Variants in NSL1 observed in about 807,000 individuals in gnomAD.
The protein encoded by NSL1 is NSL1 component of MIS12 kinetochore complex.
A neutral mutation model predicts 25.4 loss-of-function variants in NSL1; 11 were observed. The observed-to-expected ratio is 0.43, with a 90% CI of 0.27 to 0.72. The LOEUF (loss-of-function observed/expected upper bound fraction) is 0.72, where lower values mean the gene tolerates loss of function less well. Among genes scored for constraint, NSL1 ranks in the 30% least tolerant of loss-of-function variants. The pLI is 0.19. For missense variants in NSL1, 330 were observed against 342.7 expected (o/e 0.96, Z 0.29); for synonymous variants, 118 against 120.6 (o/e 0.98, Z 0.14).
rs1407474874 is a variant in NSL1, at chr1:212,733,427, G to A, written c.*4981C>T. ...AGCTTGGGCAACACAGCAAGACCTT[G>A]TTTCACAAAAAAAAAAAAAAAAAAA... On this transcript the variant is annotated 3_prime_UTR_variant, in exon 6 of 6. Transcript: ENST00000366977. Among the ~76,000 whole-genome samples, 1 of 60,208 alleles carries A rather than the reference G, an allele frequency of 1.7e-5. No homozygotes were observed. Among genetic ancestry groups the A allele is most frequent in the Non-Finnish European group, 3.1e-5 (1 of 32,656 alleles). The allele number at this position is 60,208 out of a possible 152,430, so 39.5% of individuals were successfully genotyped here.
intron 4 of NSL1, among the ~76,000 whole-genome samples, chr1:212,759,559 T>C (rs1471791300): frequency 6.6e-6 from 1 of 151,926 alleles, no homozygotes; most frequent in Non-Finnish European, 1.5e-5. Context: ...CATACAACAT[T>C]AATTCCAGAG....
chr1:212,774,899 G>A (rs1660285900), intron 4 of NSL1, among the ~76,000 whole-genome samples: 1 of 152,304 alleles, frequency 6.6e-6, no homozygotes, highest in Non-Finnish European at 1.5e-5. Context: ...AGCATCATTC[G>A]TAGTAGCCAA....
chr1:212,784,635 C>T, intron 2 of NSL1, 142 bp from the exon 3 acceptor site: 1 of 486,380 alleles, frequency 2.1e-6, no homozygotes, highest in South Asian at 3.6e-5. Context: ...TGAATGCCCC[C>T]ACTTTGGTGA....
At chr1:212,787,764 A>G (rs1022508370) in intron 1 of NSL1, 127 bp from the exon 2 acceptor site, 3 of 520,618 alleles carry the variant, frequency 5.8e-6, no homozygotes, top group African/African-American at 4.0e-5. Context: ...GCTAATTAGT[A>G]TATCTATTCT....
chr1:212,764,075 G>C (rs1329858922), intron 4 of NSL1: 3 of 419,264 alleles, frequency 7.2e-6, no homozygotes, highest in East Asian at 1.6e-4. Flanking sequence ...ATCCTATCAA[G>C]TATCTTCTCA....
intron 1 of NSL1, among the ~76,000 whole-genome samples, chr1:212,790,893 A>AG (rs949212210): frequency 1.3e-5 from 2 of 151,918 alleles, no homozygotes; most frequent in Non-Finnish European, 2.9e-5. Context: ...ACTGCACTCC[A>AG]GCCTGGGCGA....
Position 212,729,555 on chromosome 1 carries a change from T to C in NSL1, c.*8853A>G, listed in dbSNP as rs769056644. Reference sequence around the variant, plus strand: ...CCTACAACTTTGCCCATTTTTATTATTCTGCCAGTGTCATCCCCTCATTTC... The same window carrying C: ...CCTACAACTTTGCCCATTTTTATTACTCTGCCAGTGTCATCCCCTCATTTC... On this transcript the variant is annotated 3_prime_UTR_variant, in exon 6 of 6. Transcript: ENST00000366977. The C allele has an allele frequency of 1.1e-5, 11 of 985,406 alleles. No individual in the cohort carries two copies. The highest frequency in any genetic ancestry group is 1.3e-5 in the Non-Finnish European group (11 of 829,918). The allele number at this position is 985,406 out of a possible 1,614,324, so 61.0% of individuals were successfully genotyped here.
At chr1:212,763,940 T>C (rs896162422) in intron 4 of NSL1, 1 of 345,754 alleles carries the variant, frequency 2.9e-6, no homozygotes, top group South Asian at 2.3e-5. Flanking sequence ...TTAACAGGTG[T>C]TTACACAACA....
In NSL1 at chr1:212,727,863, T is replaced by C; in HGVS notation, c.*10545A>G. 2 of 985,158 alleles carry C rather than the reference T, an allele frequency of 2.0e-6. No homozygotes were observed. The highest frequency in any genetic ancestry group is 2.4e-6 in the Non-Finnish European group (2 of 829,692). The allele number at this position is 985,158 out of a possible 1,614,324, so 61.0% of individuals were successfully genotyped here. ...CGTTAACTGCTGGGAAATTTAAAAATGTTTGTTGATACTCTCTGTTGCTAT... is the reference window on the plus strand; with the variant it reads ...CGTTAACTGCTGGGAAATTTAAAAACGTTTGTTGATACTCTCTGTTGCTAT... On this transcript the variant is annotated 3_prime_UTR_variant, in exon 6 of 6. Transcript: ENST00000366977.
intron 4 of NSL1, among the ~76,000 whole-genome samples, chr1:212,773,503 G>A (rs1660219016): frequency 1.3e-5 from 2 of 152,092 alleles, no homozygotes; most frequent in African/African-American, 2.4e-5. Flanking sequence ...CCCCAGTTAA[G>A]ATATGACTAC....
At chr1:212,781,418 C>T (rs996822758) in intron 4 of NSL1, among the ~76,000 whole-genome samples, 4 of 152,196 alleles carry the variant, frequency 2.6e-5, no homozygotes, top group Admixed American at 6.5e-5. Context: ...ATATTGGCAA[C>T]TACCCCTTTT....
At chr1:212,790,529 A>G (rs1289722183) in intron 1 of NSL1, among the ~76,000 whole-genome samples, 1 of 152,200 alleles carries the variant, frequency 6.6e-6, no homozygotes, top group Non-Finnish European at 1.5e-5. Flanking sequence ...GTGCTTCCTT[A>G]TAACAGGCAC....
intron 4 of NSL1, among the ~76,000 whole-genome samples, chr1:212,765,017 C>G (rs987157005): frequency 6.6e-5 from 10 of 151,600 alleles, no homozygotes; most frequent in Non-Finnish European, 1.3e-4. Flanking sequence ...AATATATAAC[C>G]CTTCTAGATT....
At chr1:212,776,942 G>A (rs573212840) in intron 4 of NSL1, among the ~76,000 whole-genome samples, 8 of 151,352 alleles carry the variant, frequency 5.3e-5, no homozygotes, top group African/African-American at 1.7e-4. Context: ...TAAAAATAAC[G>A]GGAACCTCAC....
Position 212,731,264 on chromosome 1 carries a change from T to A in NSL1, c.*7144A>T. On this transcript the variant is annotated 3_prime_UTR_variant, in exon 6 of 6. Transcript: ENST00000366977. ...AGAATAGTAAGTCTTATCTGAAATA[T>A]ACTGTGATAGGCCAGGTGCAGTGGC... The A allele has an allele frequency of 1.0e-6, 1 of 985,060 alleles. No individual in the cohort carries two copies. The highest frequency in any genetic ancestry group is 1.2e-6 in the Non-Finnish European group (1 of 829,886). 61.0% of individuals were successfully genotyped at this position (985,060 alleles called of 1,614,324 possible). A position where few individuals can be genotyped will look rare whatever the true frequency, so the allele number is the denominator to read the frequency against.
In NSL1 at chr1:212,731,220, A is replaced by G. The variant is rs996643795; in HGVS notation, c.*7188T>C. ...AAAAACCTGAAGAAACCAAAACTAG[A>G]ATTATCAGCCAAAAACAGAGAATAG... On this transcript the variant is annotated 3_prime_UTR_variant, in exon 6 of 6. Coordinates refer to ENST00000366977, the MANE Select transcript of NSL1 (RefSeq NM_015471.4). The G allele has an allele frequency of 4.1e-6, 4 of 984,996 alleles. No homozygotes were observed. Among genetic ancestry groups the G allele is most frequent in the Non-Finnish European group, 4.8e-6 (4 of 829,868 alleles). 61.0% of individuals were successfully genotyped at this position (984,996 alleles called of 1,614,324 possible).
At chr1:212,768,698 T>A (rs1659957416) in intron 4 of NSL1, among the ~76,000 whole-genome samples, 1 of 152,128 alleles carries the variant, frequency 6.6e-6, no homozygotes, top group Non-Finnish European at 1.5e-5. Context: ...AAGAATGATA[T>A]AATAGACTTT....
At position 212,766,115 on chromosome 1, in the gene NSL1, G is replaced by A. The variant is rs370465490; in HGVS notation, c.499+16257C>T. On this transcript the variant is annotated intron_variant, in intron 4 of 5. Transcript: ENST00000366977. Reference sequence around the variant, plus strand: ...CACACCACTGCACTCCAGCCTGGGCGACAGAGCGAGACTCCATCTCAAAAA... The same window carrying A: ...CACACCACTGCACTCCAGCCTGGGCAACAGAGCGAGACTCCATCTCAAAAA... 1.7e-3 allele frequency: 711 copies of A among 412,294 alleles called. 10 individuals are homozygous for A. The highest frequency in any genetic ancestry group is 0.013 in the African/African-American group (581 of 45,224). 25.5% of individuals were successfully genotyped at this position (412,294 alleles called of 1,614,324 possible).
chr1:212,728,054 G>T lies in NSL1; in HGVS notation c.*10354C>A. The T allele has an allele frequency of 1.4e-5, 14 of 985,374 alleles. No homozygotes were observed. The highest frequency in any genetic ancestry group is 1.7e-5 in the Non-Finnish European group (14 of 829,920). 61.0% of individuals were successfully genotyped at this position (985,374 alleles called of 1,614,324 possible). A position where few individuals can be genotyped will look rare whatever the true frequency, so the allele number is the denominator to read the frequency against. Reference sequence around the variant, plus strand: ...TGCTCTACATGGTCTATAGACCGCTGGGAAGGTGGCCAGGCACTTCCCTTC... The same window carrying T: ...TGCTCTACATGGTCTATAGACCGCTTGGAAGGTGGCCAGGCACTTCCCTTC... On this transcript the variant is annotated 3_prime_UTR_variant, in exon 6 of 6. Coordinates refer to ENST00000366977, the MANE Select transcript of NSL1 (RefSeq NM_015471.4).
Sources: gnomAD v4.1 joint callset for allele counts (sites outside exome capture counted in the v4.1 genomes callset) on GRCh38, gnomAD v4.1.1 for gene constraint, MANE v1.5 for transcripts, NCBI Gene and HGNC (gene_info 2026-07-23, HGNC 2026-07-21) for gene names.